CDYL: variants seen among roughly 807,000 people sequenced by gnomAD.
CDYL encodes the protein chromodomain Y like, also known as chromodomain Y-like protein.
Under a neutral mutation model 47.3 loss-of-function variants are expected in CDYL, and 8 were observed. The observed-to-expected ratio is 0.17, with a 90% CI of 0.10 to 0.31. CDYL has a LOEUF of 0.31. CDYL is among the 10% of genes least tolerant of loss of function. CDYL has a pLI of 1.00. For synonymous variants in CDYL, 266 were observed against 265.0 expected, an observed-to-expected ratio of 1.00 and a Z score of -0.04; for missense variants, 471 against 701.4, an observed-to-expected ratio of 0.67 and a Z score of 3.71.
intron 2 of CDYL, among the ~76,000 whole-genome samples, chr6:4,893,454 A>G (rs1030943372): frequency 1.3e-5 from 2 of 152,328 alleles, no homozygotes; most frequent in African/African-American, 4.8e-5. Flanking sequence ...ACACTTTGGG[A>G]GGCCGAGGAG....
intron 2 of CDYL, among the ~76,000 whole-genome samples, chr6:4,893,125 G>A (rs568418502): frequency 6.6e-6 from 1 of 152,338 alleles, no homozygotes; most frequent in East Asian, 1.9e-4. Flanking sequence ...CTCACCTGCT[G>A]GAGCTTTCTA....
Position 4,892,388 on chromosome 6 carries a change from C to G in CDYL, c.691+9C>G, listed in dbSNP as rs1440810799. On this transcript the variant is annotated intron_variant, in intron 2 of 6. Coordinates refer to ENST00000397588, the MANE Select transcript of CDYL (RefSeq NM_004824.4). ...AGCTGTTAACGGGAAAGGTGAGTGT[C>G]TAGGGAGCTGCTCAGGCTCCGTGGT... is the stretch of plus-strand genomic sequence containing the variant. 1.9e-6 allele frequency: 3 copies of G among 1,593,106 alleles called. No homozygotes were observed. The highest frequency in any genetic ancestry group is 2.7e-5 in the African/African-American group (2 of 74,554).
chr6:4,863,369 T>TA (rs1761228657), intron 1 of CDYL, among the ~76,000 whole-genome samples: 1 of 152,160 alleles, frequency 6.6e-6, no homozygotes, highest in Non-Finnish European at 1.5e-5. Flanking sequence ...AAATTATTTT[T>TA]AAAAAGACTA....
At chr6:4,789,102 G>A (rs564312339) in intron 1 of CDYL, among the ~76,000 whole-genome samples, 1 of 152,134 alleles carries the variant, frequency 6.6e-6, no homozygotes, top group Non-Finnish European at 1.5e-5. Context: ...TTGAGACAGG[G>A]TCTTGCTCTG....
At chr6:4,808,891 A>AT (rs1484929268) in intron 1 of CDYL, among the ~76,000 whole-genome samples, 2 of 151,940 alleles carry the variant, frequency 1.3e-5, no homozygotes, top group East Asian at 1.9e-4. Flanking sequence ...CTTGGATTCC[A>AT]TTTTTTTGTT....
At chr6:4,857,131 T>A (rs562673153) in intron 1 of CDYL, among the ~76,000 whole-genome samples, 4 of 152,230 alleles carry the variant, frequency 2.6e-5, no homozygotes, top group African/African-American at 9.6e-5. Context: ...ATTGTAAAAA[T>A]TGAGTTTTTT....
At chr6:4,953,201 T>C (rs570717553) in intron 6 of CDYL, among the ~76,000 whole-genome samples, 1 of 151,872 alleles carries the variant, frequency 6.6e-6, no homozygotes, top group East Asian at 2.0e-4. Flanking sequence ...CTGGCCAACA[T>C]GGCAAAACCC....
chr6:4,885,680 G>T (rs1037465089), intron 1 of CDYL, among the ~76,000 whole-genome samples: 1 of 152,136 alleles, frequency 6.6e-6, no homozygotes, highest in Non-Finnish European at 1.5e-5. Context: ...TGTCTCTTGC[G>T]AAAAGTTCTT....
At chr6:4,935,464 T>G in intron 2 of CDYL, 51 bp from the exon 3 acceptor site, 1 of 1,493,860 alleles carries the variant, frequency 6.7e-7, no homozygotes, top group Non-Finnish European at 9.3e-7. Context: ...CACCTGGGAG[T>G]GAACTGGTGG....
At chr6:4,876,410 G>A (rs1278269911) in intron 1 of CDYL, among the ~76,000 whole-genome samples, 1 of 152,140 alleles carries the variant, frequency 6.6e-6, no homozygotes, top group Non-Finnish European at 1.5e-5. Context: ...ATAAAATGCT[G>A]TCAGACCTTT....
intron 1 of CDYL, among the ~76,000 whole-genome samples, chr6:4,835,810 C>A (rs566832605): frequency 6.6e-6 from 1 of 152,296 alleles, no homozygotes; most frequent in South Asian, 2.1e-4. Context: ...GCCTCGTTGC[C>A]GCCTTGCAGT....
chr6:4,756,234 A>G (rs1448038005), intron 3 of CDYL, among the ~76,000 whole-genome samples: 1 of 152,078 alleles, frequency 6.6e-6, no homozygotes, highest in Non-Finnish European at 1.5e-5. Flanking sequence ...AGCTGATACA[A>G]TGTCTTAAGG....
chr6:4,795,804 T>C (rs1444785272), intron 1 of CDYL, among the ~76,000 whole-genome samples: 4 of 152,104 alleles, frequency 2.6e-5, no homozygotes, highest in Admixed American at 2.6e-4. Context: ...TGCCTTTAGG[T>C]TATTTGGTTC....
intron 2 of CDYL, among the ~76,000 whole-genome samples, chr6:4,909,521 C>T (rs1757342131): frequency 6.6e-6 from 1 of 152,186 alleles, no homozygotes; most frequent in African/African-American, 2.4e-5. Flanking sequence ...TACTGCCCTG[C>T]TTAAGGGTGT....
At chr6:4,718,182 TTATG>T (rs1403938804) in intron 2 of CDYL, among the ~76,000 whole-genome samples, 1 of 152,078 alleles carries the variant, frequency 6.6e-6, no homozygotes, top group Non-Finnish European at 1.5e-5. Context: ...CAATAACAGA[TTATG>T]TATTATGCCA....
At chr6:4,879,682 C>T (rs1737090) in intron 1 of CDYL, among the ~76,000 whole-genome samples, 3,383 of 151,512 alleles carry the variant, frequency 0.022, 127 homozygotes, top group African/African-American at 0.077. Flanking sequence ...CCTCAGCCTC[C>T]CAGGTAGCTG....
chr6:4,808,337 A>G (rs1759430845), intron 1 of CDYL, among the ~76,000 whole-genome samples: 1 of 152,156 alleles, frequency 6.6e-6, no homozygotes, highest in Admixed American at 6.5e-5. Context: ...GATGAATTCC[A>G]TTTCCAGTTT....
chr6:4,892,622 A>G (rs1469904954), intron 2 of CDYL, among the ~76,000 whole-genome samples: 1 of 151,736 alleles, frequency 6.6e-6, no homozygotes, highest in Non-Finnish European at 1.5e-5. Flanking sequence ...ACTTGCTTTA[A>G]ACAGTATCTC....
chr6:4,920,401 A>G (rs368561088), intron 2 of CDYL, among the ~76,000 whole-genome samples: 19 of 152,274 alleles, frequency 1.2e-4, no homozygotes, highest in East Asian at 7.7e-4. Context: ...TGCATATACA[A>G]TATATATTAT....
Sources: allele counts gnomAD v4.1 joint callset (sites outside exome capture counted in the v4.1 genomes callset), GRCh38; gene constraint gnomAD v4.1.1; transcripts MANE v1.5; gene names NCBI Gene and HGNC (gene_info 2026-07-23, HGNC 2026-07-21).